AKAP1: variants seen among roughly 807,000 people sequenced by gnomAD.
AKAP1 encodes A-kinase anchor protein 1, mitochondrial.
Under a neutral mutation model 79.8 loss-of-function variants are expected in AKAP1, and 32 were observed. The observed-to-expected ratio is 0.40, with a 90% CI of 0.30 to 0.54. The LOEUF (loss-of-function observed/expected upper bound fraction) is 0.54. AKAP1 is among the 20% of genes least tolerant of loss of function. The pLI is 0.47. For synonymous variants in AKAP1, 416 were observed against 466.7 expected, an observed-to-expected ratio of 0.89 and a Z score of 1.40; for missense variants, 961 against 1,138.9, an observed-to-expected ratio of 0.84 and a Z score of 2.25.
chr17:57,102,726 C>T (rs35288743), intron 1 of AKAP1, among the ~76,000 whole-genome samples: 13,047 of 152,144 alleles, frequency 0.086, 716 homozygotes, highest in Middle Eastern at 0.12. Context: ...CCCGCCTCAG[C>T]CTCTGAAAGT....
intron 1 of AKAP1, chr17:57,093,521 T>C (rs1217395002): frequency 1.3e-5 from 2 of 151,968 alleles, no homozygotes; most frequent in Non-Finnish European, 2.9e-5. Context: ...CAGCTGGGGG[T>C]CTCTGAAGCA....
chr17:57,113,093 A>C lies in AKAP1; in HGVS notation c.2103+475A>C, dbSNP rs936846811. On this transcript the variant is annotated intron_variant, in intron 5 of 10. Transcript: ENST00000337714. Reference sequence around the variant, plus strand: ...CCCTTCCCCTCCCCAGGAGGTGCCTAAATTACAAAGAAGAATGAATACTCC... The same window carrying C: ...CCCTTCCCCTCCCCAGGAGGTGCCTCAATTACAAAGAAGAATGAATACTCC... Among the ~76,000 whole-genome samples, 3 of 152,102 alleles carry C rather than the reference A, an allele frequency of 2.0e-5. No homozygotes were observed. The East Asian group carries it at 5.8e-4, about 29-fold the overall frequency.
At position 57,086,376 on chromosome 17, in the gene AKAP1, G is replaced by A. The variant is rs190450161; in HGVS notation, c.-25+978G>A. The A allele has an allele frequency of 1.1e-4, 52 of 454,118 alleles. No homozygotes were observed. The East Asian group carries it at 3.5e-3, about 31-fold the overall frequency. The allele number at this position is 454,118 out of a possible 1,614,324, so 28.1% of individuals were successfully genotyped here. A position where few individuals can be genotyped will look rare whatever the true frequency, so the allele number is the denominator to read the frequency against. On this transcript the variant is annotated intron_variant, in intron 1 of 10. Transcript: ENST00000337714. The surrounding 1 kb of genome is among the most constrained non-coding windows in gnomAD (Gnocchi z 5.1). ...GGTCTTCCTGTTTCCCTTCCAGGGA[G>A]GGATAGGAGAAGAAAGGTGCTGATC... is the stretch of plus-strand genomic sequence containing the variant.
At chr17:57,119,624 A>G (rs1459232042) in intron 10 of AKAP1, among the ~76,000 whole-genome samples, 3 of 151,930 alleles carry the variant, frequency 2.0e-5, no homozygotes, top group Non-Finnish European at 4.4e-5. Context: ...CTGAGGCAGG[A>G]GAATCACTTG....
Position 57,105,532 on chromosome 17 carries a change from G to C in AKAP1, c.68G>C (p.Trp23Ser). The C allele has an allele frequency of 6.2e-7, 1 of 1,614,070 alleles. No individual in the cohort carries two copies. Among genetic ancestry groups the C allele is most frequent in the East Asian group, 2.2e-5 (1 of 44,872 alleles). ...GGGATGCTGGCGCTCCTCGGCTGGT[G>C]GTGGTTTTTCTCTCGTAAAAAAGGC... ...LPGMLALLGW[W>S]WFFSRKKGHV... Residue 23 changes from tryptophan to serine, a missense_variant, in exon 2 of 11, where the codon TGG becomes TCG. By Grantham distance (177) the Trp-to-Ser change is radical (BLOSUM62 -3). This residue lies in a region of AKAP1 where 108 missense variants were observed against 147.6 expected (regional missense o/e 0.73). Coordinates refer to ENST00000337714, the MANE Select transcript of AKAP1 (RefSeq NM_003488.4).
At chr17:57,119,830 C>CTTTTTTTTTTTTGTTTTTTTTT (rs1915811656) in intron 10 of AKAP1, among the ~76,000 whole-genome samples, 1 of 70,290 alleles carries the variant, frequency 1.4e-5, no homozygotes, top group Non-Finnish European at 2.5e-5. Flanking sequence ...CCCTGTTACT[C>CTTTTTTTTTTTTGTTTTTTTTT]TTTTTTTTTT....
At position 57,106,212 on chromosome 17, in the gene AKAP1, T is replaced by A. The variant is rs756659682; in HGVS notation, c.748T>A (p.Ser250Thr). 5.0e-6 allele frequency: 8 copies of A among 1,613,968 alleles called. No individual in the cohort carries two copies. The East Asian group carries it at 8.9e-5, about 18-fold the overall frequency. Residue 250 changes from serine (S) to threonine (T), a missense_variant, in exon 2 of 11, where the codon TCA becomes ACA. Transcript: ENST00000337714. ...EGEEDKGKSS[S>T]SQVVGPVQEE... Reference sequence around the variant, plus strand: ...GGAAGAAGATAAGGGGAAGAGCAGCTCATCCCAGGTGGTGGGGCCAGTGCA... The same window carrying A: ...GGAAGAAGATAAGGGGAAGAGCAGCACATCCCAGGTGGTGGGGCCAGTGCA...
intron 1 of AKAP1, among the ~76,000 whole-genome samples, chr17:57,087,330 C>A: frequency 6.6e-6 from 1 of 152,208 alleles, no homozygotes; most frequent in East Asian, 1.9e-4. Flanking sequence ...CTAGGAAATG[C>A]ATTCTCACTT....
At chr17:57,116,404 T>C (rs1915588407) in intron 7 of AKAP1, 143 bp downstream of exon 7, 1 of 1,110,556 alleles carries the variant, frequency 9.0e-7, no homozygotes, top group East Asian at 2.5e-5. Context: ...CAGAGTCTGA[T>C]AGAAACAAAC....
At chr17:57,116,445 A>G (rs1295111976) in intron 7 of AKAP1, among the ~76,000 whole-genome samples, 184 bp downstream of exon 7, 1 of 152,144 alleles carries the variant, frequency 6.6e-6, no homozygotes, top group Non-Finnish European at 1.5e-5. Flanking sequence ...ACTGAGCTAG[A>G]AGGCCTGTAT....
intron 1 of AKAP1, among the ~76,000 whole-genome samples, chr17:57,090,713 A>G (rs534168305): frequency 3.9e-5 from 6 of 152,172 alleles, no homozygotes; most frequent in Non-Finnish European, 8.8e-5. Context: ...TCCTACTCTT[A>G]ACTCTCTTGT....
intron 1 of AKAP1, among the ~76,000 whole-genome samples, chr17:57,105,220 G>C (rs1914767176): frequency 6.6e-6 from 1 of 152,204 alleles, no homozygotes; most frequent in African/African-American, 2.4e-5. Flanking sequence ...GTGAGTTGGG[G>C]AGCATGGAGG....
chr17:57,117,073 T>G (rs529570855), intron 8 of AKAP1, 146 bp downstream of exon 8: 1 of 837,234 alleles, frequency 1.2e-6, no homozygotes, highest in South Asian at 1.5e-5. Context: ...AGGTCTGGGC[T>G]TAGGCCCAGG....
At chr17:57,119,582 A>T (rs1196072543) in intron 10 of AKAP1, among the ~76,000 whole-genome samples, 3 of 151,876 alleles carry the variant, frequency 2.0e-5, no homozygotes, top group East Asian at 3.9e-4. Context: ...GGGTGTGGTG[A>T]TGCACACCTG....
Position 57,114,493 on chromosome 17 carries a change from T to C in AKAP1, c.2138T>C (p.Ile713Thr), listed in dbSNP as rs200177043. The C allele has an allele frequency of 1.1e-5, 17 of 1,614,118 alleles. No homozygotes were observed. The highest frequency in any genetic ancestry group is 7.7e-5 in the South Asian group (7 of 91,082). Residue 713 changes from isoleucine to threonine, a missense_variant, in exon 6 of 11, where the codon ATT becomes ACT. By Grantham distance (89) the Ile-to-Thr change is moderately conservative (BLOSUM62 -1). Transcript: ENST00000337714. ...MLPDGITVEVIVVNQVNAGHL... is the reference protein window; with the variant it reads ...MLPDGITVEVTVVNQVNAGHL... Reference sequence around the variant, plus strand: ...CCTGATGGCATCACCGTGGAGGTCATTGTGGTCAACCAGGTCAATGCCGGG... The same window carrying C: ...CCTGATGGCATCACCGTGGAGGTCACTGTGGTCAACCAGGTCAATGCCGGG...
intron 1 of AKAP1, chr17:57,085,978 G>T (rs1337017100): frequency 5.7e-6 from 1 of 176,976 alleles, no homozygotes; most frequent in Non-Finnish European, 1.2e-5. Context: ...CGTGCGGCGA[G>T]CCAGGGGAAC....
intron 10 of AKAP1, among the ~76,000 whole-genome samples, chr17:57,119,892 C>T (rs2332783): frequency 0.39 from 49,633 of 126,188 alleles, 11,066 homozygotes; most frequent in South Asian, 0.6. Context: ...AGTGCAGTGG[C>T]GTGATCTTGG....
At position 57,121,176 on chromosome 17, in the gene AKAP1, A is replaced by G. The variant is rs916779766; in HGVS notation, c.*852A>G. 3.9e-5 allele frequency: 6 copies of G among 152,118 alleles called. No homozygotes were observed. The highest frequency in any genetic ancestry group is 1.4e-4 in the African/African-American group (6 of 41,416). The allele number at this position is 152,118 out of a possible 1,614,324, so 9.4% of individuals were successfully genotyped here. A position where few individuals can be genotyped will look rare whatever the true frequency, so the allele number is the denominator to read the frequency against. ...CACACTGGACAGGTGACTGTATGGT[A>G]GAGACTGTGATCTGGGAACTTTTTG... On this transcript the variant is annotated 3_prime_UTR_variant, in exon 11 of 11. Transcript: ENST00000337714.
At chr17:57,094,248 G>C (rs1913956598) in intron 1 of AKAP1, 1 of 152,188 alleles carries the variant, frequency 6.6e-6, no homozygotes, top group African/African-American at 2.4e-5. Context: ...CCCTGGCTCT[G>C]CTTCCCCTTC....
Sources: gnomAD v4.1 joint callset for allele counts (sites outside exome capture counted in the v4.1 genomes callset) on GRCh38, gnomAD v4.1.1 for gene constraint, gnomAD v4.1.1 regional missense constraint, Gnocchi (gnomAD v3.1) non-coding constraint, MANE v1.5 for transcripts, NCBI Gene and HGNC (gene_info 2026-07-23, HGNC 2026-07-21) for gene names.